Variants in OR9Q1 observed in about 807,000 individuals in gnomAD.
OR9Q1 encodes the protein olfactory receptor 9Q1.
For missense variants in OR9Q1, 374 were observed against 378.8 expected, an observed-to-expected ratio of 0.99 and a Z score of 0.11; for synonymous variants, 153 against 148.6, an observed-to-expected ratio of 1.03 and a Z score of -0.22.
intron 2 of OR9Q1, among the ~76,000 whole-genome samples, chr11:58,119,643 C>G (rs1854006597): frequency 6.6e-6 from 1 of 152,132 alleles, no homozygotes; most frequent in African/African-American, 2.4e-5. Flanking sequence ...GAGCCTTAAG[C>G]TGGTATTTCT....
rs981751301 is a variant in OR9Q1, at chr11:58,103,306, C to T, written c.-15+47359C>T. On this transcript the variant is annotated intron_variant, in intron 2 of 2. Transcript: ENST00000335397. ...ATCATGAGAATAGTATGGAGGTAAC[C>T]GCCCCTGTGATTCAATTATTTCCTA... Among the ~76,000 whole-genome samples, 7 of 152,026 alleles carry T rather than the reference C, an allele frequency of 4.6e-5. No individual in the cohort carries two copies. In the East Asian group the frequency reaches 5.8e-4, roughly 13 times the overall value.
intron 2 of OR9Q1, among the ~76,000 whole-genome samples, chr11:58,066,961 G>A (rs1199266686): frequency 6.6e-6 from 1 of 152,156 alleles, no homozygotes; most frequent in Non-Finnish European, 1.5e-5. Context: ...GCTGTCCATC[G>A]TGTCCACAGT....
At chr11:58,160,583 C>T (rs1031137504) in intron 2 of OR9Q1, among the ~76,000 whole-genome samples, 1 of 152,034 alleles carries the variant, frequency 6.6e-6, no homozygotes, top group Non-Finnish European at 1.5e-5. Flanking sequence ...TCTCAGCCTC[C>T]CAAATTGCTA....
At chr11:58,048,703 C>G (rs1355204275) in intron 1 of OR9Q1, among the ~76,000 whole-genome samples, 22 of 119,264 alleles carry the variant, frequency 1.8e-4, no homozygotes, top group African/African-American at 6.4e-4. Context: ...TATTTTTTAG[C>G]AAGACTAATA....
At chr11:58,028,729 G>A (rs1228083600) in intron 1 of OR9Q1, among the ~76,000 whole-genome samples, 1 of 152,210 alleles carries the variant, frequency 6.6e-6, no homozygotes, top group East Asian at 1.9e-4. Context: ...GGGCTGCAAT[G>A]CAATTATGTG....
intron 1 of OR9Q1, among the ~76,000 whole-genome samples, chr11:58,033,284 T>A (rs78754414): frequency 0.04 from 6,094 of 152,236 alleles, 127 homozygotes; most frequent in East Asian, 0.06. Context: ...AATCGTTCTA[T>A]CAAAATGACA....
intron 1 of OR9Q1, among the ~76,000 whole-genome samples, chr11:58,054,538 A>G (rs573161988): frequency 1.7e-4 from 26 of 152,300 alleles, no homozygotes; most frequent in Admixed American, 1.5e-3. Context: ...CATTTTGTAC[A>G]TTTCTGTATC....
rs1853258753 is a variant in OR9Q1, at chr11:58,050,143, A to G, written c.-92-5727A>G. On this transcript the variant is annotated intron_variant, in intron 1 of 2. Coordinates refer to ENST00000335397, the MANE Select transcript of OR9Q1 (RefSeq NM_001005212.4). ...AAAAGAGAGCCCGCATCGCCAAGTC[A>G]ATCCTAAGCCAAAAGAACAAAGCTG... Among the ~76,000 whole-genome samples, 3 of 75,412 alleles carry G rather than the reference A, an allele frequency of 4.0e-5. 1 individual carries two copies. In the South Asian group the frequency reaches 1.3e-3, roughly 33 times the overall value. The allele number at this position is 75,412 out of a possible 152,430, so 49.5% of individuals were successfully genotyped here.
chr11:58,069,204 T>A (rs1462193183), intron 2 of OR9Q1, among the ~76,000 whole-genome samples: 1 of 152,010 alleles, frequency 6.6e-6, no homozygotes, highest in Non-Finnish European at 1.5e-5. Context: ...TCACCTGGAG[T>A]TAACACCCTG....
chr11:58,160,472 T>C (rs1196816589), intron 2 of OR9Q1, among the ~76,000 whole-genome samples: 1 of 136,270 alleles, frequency 7.3e-6, no homozygotes, highest in Non-Finnish European at 1.7e-5. Context: ...GTTGTTGTTG[T>C]TGTTAGAGGT....
At chr11:58,071,573 A>G (rs181689810) in intron 2 of OR9Q1, among the ~76,000 whole-genome samples, 43 of 152,230 alleles carry the variant, frequency 2.8e-4, no homozygotes, top group Admixed American at 1.3e-3. Flanking sequence ...CATTCCTTTG[A>G]TTAAATCTAC....
At chr11:58,121,343 A>G (rs982910949) in intron 2 of OR9Q1, among the ~76,000 whole-genome samples, 1 of 152,200 alleles carries the variant, frequency 6.6e-6, no homozygotes, top group African/African-American at 2.4e-5. Context: ...TAAAATGCCT[A>G]AAGCCTTCCT....
chr11:58,116,526 G>C (rs891871032), intron 2 of OR9Q1, among the ~76,000 whole-genome samples: 1 of 152,144 alleles, frequency 6.6e-6, no homozygotes, highest in Non-Finnish European at 1.5e-5. Flanking sequence ...TGCTAACTTA[G>C]TGAACTTATT....
intron 2 of OR9Q1, chr11:58,109,645 A>G (rs1013162472): frequency 2.4e-5 from 11 of 455,150 alleles, no homozygotes; most frequent in Non-Finnish European, 4.4e-5. Flanking sequence ...CACAGTGCTG[A>G]GATTTCTTTT....
rs3085835 is a variant in OR9Q1, at chr11:58,154,379, A to ATTTTTTTTTTTTTTTT, written c.-14-25051_-14-25036dup. Reference sequence around the variant, plus strand: ...TTAGCAATAAAAATCAATGCAATGGATTTTTTTTTTTTTTTTGTCCTGTGA... The same window carrying ATTTTTTTTTTTTTTTT: ...TTAGCAATAAAAATCAATGCAATGGATTTTTTTTTTTTTTTTTTTTTTTTTTTTTTTTGTCCTGTGA... On this transcript the variant is annotated intron_variant, in intron 2 of 2. Coordinates refer to ENST00000335397, the MANE Select transcript of OR9Q1 (RefSeq NM_001005212.4). Among the ~76,000 whole-genome samples, 2 of 140,954 alleles carry ATTTTTTTTTTTTTTTT rather than the reference A, an allele frequency of 1.4e-5. 1 individual carries two copies. The allele number at this position is 140,954 out of a possible 152,430, so 92.5% of individuals were successfully genotyped here.
At position 58,103,968 on chromosome 11, in the gene OR9Q1, A is replaced by C. The variant is rs181749592; in HGVS notation, c.-15+48021A>C. 9.6e-3 allele frequency among the ~76,000 whole-genome samples: 1,465 copies of C among 152,304 alleles called. 17 individuals are homozygous for C. Among genetic ancestry groups the C allele is most frequent in the Non-Finnish European group, 0.016 (1,059 of 68,008 alleles). ...GGCTCACTGGACTGGTTCTCAGGCC[A>C]AGGGTGTGCATGGGCATGCACTGCA... On this transcript the variant is annotated intron_variant, in intron 2 of 2. Coordinates refer to ENST00000335397, the MANE Select transcript of OR9Q1 (RefSeq NM_001005212.4).
intron 2 of OR9Q1, among the ~76,000 whole-genome samples, chr11:58,082,763 AT>A (rs1853600742): frequency 1.5e-5 from 2 of 130,716 alleles, no homozygotes; most frequent in African/African-American, 2.7e-5. Context: ...AATAATAATA[AT>A]AATAATAAAA....
intron 1 of OR9Q1, among the ~76,000 whole-genome samples, chr11:58,037,174 A>G (rs1242464932): frequency 6.6e-6 from 1 of 152,200 alleles, no homozygotes; most frequent in Non-Finnish European, 1.5e-5. Flanking sequence ...AAAGATTAAG[A>G]TTCTCTGAAG....
Position 58,118,518 on chromosome 11 carries a change from C to G in OR9Q1, c.-14-60913C>G, listed in dbSNP as rs78218902. On this transcript the variant is annotated intron_variant, in intron 2 of 2. Coordinates refer to ENST00000335397, the MANE Select transcript of OR9Q1 (RefSeq NM_001005212.4). ...CTTAGATCTACATGCTCAGGGACAC[C>G]TGGAGTCTCCTAGCGACCTTTCTGA... 2.6e-3 allele frequency: 4,146 copies of G among 1,604,248 alleles called. 12 individuals are homozygous for G. The highest frequency in any genetic ancestry group is 5.1e-3 in the South Asian group (459 of 89,236).
Sources: gnomAD v4.1 joint callset for allele counts (sites outside exome capture counted in the v4.1 genomes callset) on GRCh38, gnomAD v4.1.1 for gene constraint, MANE v1.5 for transcripts, NCBI Gene and HGNC (gene_info 2026-07-23, HGNC 2026-07-21) for gene names.